TANC2: variants seen among roughly 807,000 people sequenced by gnomAD.
TANC2 encodes the protein protein TANC2.
A neutral mutation model predicts 210.5 loss-of-function variants in TANC2; 26 were observed. That is an observed-to-expected ratio of 0.12 (90% CI 0.09 to 0.17). The LOEUF (loss-of-function observed/expected upper bound fraction) is 0.17. Among genes scored for constraint, TANC2 ranks in the 10% least tolerant of loss-of-function variants. The pLI, the probability that TANC2 is intolerant of heterozygous loss-of-function variation, is 1.00. For missense variants in TANC2, 2,129 were observed against 2,608.9 expected, an observed-to-expected ratio of 0.82 and a Z score of 4.01; for synonymous variants, 931 against 967.1, an observed-to-expected ratio of 0.96 and a Z score of 0.69.
chr17:63,089,579 G>A (rs907627177), intron 3 of TANC2, among the ~76,000 whole-genome samples: 1 of 152,048 alleles, frequency 6.6e-6, no homozygotes. Context: ...CTGATTGACT[G>A]TATGATCTTT....
intron 7 of TANC2, among the ~76,000 whole-genome samples, chr17:63,232,005 T>C (rs2146008950): frequency 6.6e-6 from 1 of 152,362 alleles, no homozygotes; most frequent in Middle Eastern, 3.4e-3. Context: ...TTCAGCAAGT[T>C]AGTCTTCAGG....
chr17:63,364,498 A>G (rs894077380), intron 14 of TANC2, among the ~76,000 whole-genome samples: 2 of 152,238 alleles, frequency 1.3e-5, no homozygotes, highest in Admixed American at 6.5e-5. Flanking sequence ...ATACAGAGAT[A>G]TAGTTCTGCT....
At chr17:63,264,525 G>C (rs1296809947) in intron 8 of TANC2, among the ~76,000 whole-genome samples, 1 of 152,072 alleles carries the variant, frequency 6.6e-6, no homozygotes, top group Non-Finnish European at 1.5e-5. Context: ...GGAGAAACTG[G>C]GTTATCATTG....
chr17:63,093,320 G>A lies in TANC2; in HGVS notation c.140-5855G>A, dbSNP rs191300516. On this transcript the variant is annotated intron_variant, in intron 3 of 27. Transcript: ENST00000689528. ...TGAGTAGAGGTATGCTTCAAGGTCC[G>A]TGTTTTTGCATTTGGAGGTCTAGTA... is the stretch of plus-strand genomic sequence containing the variant. 4.4e-4 allele frequency among the ~76,000 whole-genome samples: 67 copies of A among 151,892 alleles called. No homozygotes were observed. In the East Asian group the frequency reaches 0.012, roughly 27 times the overall value.
At chr17:63,171,858 T>C (rs1359236979) in intron 5 of TANC2, among the ~76,000 whole-genome samples, 2 of 152,202 alleles carry the variant, frequency 1.3e-5, no homozygotes, top group Non-Finnish European at 2.9e-5. Flanking sequence ...AATCTAAAGG[T>C]ATTATTTGTT....
chr17:63,000,061 A>T (rs2033300932), intron 1 of TANC2, among the ~76,000 whole-genome samples: 1 of 152,216 alleles, frequency 6.6e-6, no homozygotes, highest in African/African-American at 2.4e-5. Context: ...AAGGAAGAAC[A>T]CACACCAGGG....
chr17:63,301,522 C>G (rs1270716288), intron 9 of TANC2, among the ~76,000 whole-genome samples: 2 of 152,072 alleles, frequency 1.3e-5, no homozygotes, highest in African/African-American at 4.8e-5. Context: ...TGTATGTGTC[C>G]AGGAATTTAT....
intron 3 of TANC2, among the ~76,000 whole-genome samples, chr17:63,081,268 A>G (rs993531655): frequency 2.0e-5 from 3 of 152,194 alleles, no homozygotes; most frequent in African/African-American, 4.8e-5. Context: ...ATTATTTAGA[A>G]TGTTAGGGAT....
intron 10 of TANC2, among the ~76,000 whole-genome samples, chr17:63,317,143 T>C (rs968042536): frequency 2.6e-5 from 4 of 152,144 alleles, no homozygotes; most frequent in African/African-American, 7.2e-5. Context: ...CTTCTTTCTC[T>C]GCATCATCTG....
At chr17:63,425,132 G>T (rs1041947297) in exon 28 of TANC2, 3 of 152,130 alleles carry the variant, frequency 2.0e-5, no homozygotes, top group African/African-American at 4.8e-5. Flanking sequence ...CCGGGTTGCA[G>T]ACGTGCACTA....
chr17:63,012,022 T>G (rs2033897885), intron 2 of TANC2, among the ~76,000 whole-genome samples: 1 of 150,770 alleles, frequency 6.6e-6, no homozygotes, highest in Non-Finnish European at 1.5e-5. Context: ...CAAAACTTTT[T>G]TTTTTTTTTT....
chr17:63,038,202 A>G (rs2035050638), intron 2 of TANC2, among the ~76,000 whole-genome samples: 1 of 152,146 alleles, frequency 6.6e-6, no homozygotes, highest in South Asian at 2.1e-4. Context: ...GTTCCCCTGT[A>G]TTCCTAGTTT....
chr17:63,193,156 A>G (rs910318479), intron 5 of TANC2, among the ~76,000 whole-genome samples: 1 of 152,214 alleles, frequency 6.6e-6, no homozygotes, highest in African/African-American at 2.4e-5. Context: ...AGTTATCTAA[A>G]TGTTTATAAC....
At chr17:62,978,295 AC>A (rs1367324496) in intron 1 of TANC2, among the ~76,000 whole-genome samples, 2 of 152,228 alleles carry the variant, frequency 1.3e-5, no homozygotes, top group African/African-American at 4.8e-5. Flanking sequence ...TAATATTAAC[AC>A]ATTCTGAGAT....
At chr17:63,122,343 G>A (rs945595945) in intron 4 of TANC2, among the ~76,000 whole-genome samples, 3 of 152,144 alleles carry the variant, frequency 2.0e-5, no homozygotes, top group Admixed American at 2.0e-4. Flanking sequence ...CATGCTTTAG[G>A]AAATAACTGA....
rs2049035017 is a variant in TANC2, at chr17:63,421,891, ACT to A, written c.6165_6166del (p.Arg2056AlafsTer17). ...AACCTGTACAGGCAGCTGTCCCGAG[ACT>A]CTCGGCAAGGGCAGACATCCCCTAT... On this transcript the variant is annotated frameshift_variant, in exon 28 of 28. Transcript: ENST00000689528. LOFTEE classifies it high-confidence loss of function. The surrounding 1 kb of genome is among the most constrained non-coding windows in gnomAD (Gnocchi z 6.9). 1.2e-6 allele frequency: 2 copies of A among 1,613,630 alleles called. No homozygotes were observed. The highest frequency in any genetic ancestry group is 3.3e-5 in the Admixed American group (2 of 59,986).
chr17:63,274,037 A>G (rs12150068), intron 9 of TANC2, among the ~76,000 whole-genome samples: 38,847 of 152,156 alleles, frequency 0.26, 5,038 homozygotes, highest in South Asian at 0.33. Context: ...AGAGCTGGTT[A>G]CATGTTATTC....
chr17:63,180,501 T>A (rs755932804), intron 5 of TANC2, among the ~76,000 whole-genome samples: 13 of 152,196 alleles, frequency 8.5e-5, no homozygotes, highest in Non-Finnish European at 1.8e-4. Context: ...TTTAAAAGGA[T>A]GAATGATGTA....
chr17:63,176,958 A>G (rs1388931279), intron 5 of TANC2, among the ~76,000 whole-genome samples: 1 of 151,840 alleles, frequency 6.6e-6, no homozygotes, highest in East Asian at 1.9e-4. Flanking sequence ...AGATGTATAT[A>G]TTTATCAAAA....
Sources: allele counts gnomAD v4.1 joint callset (sites outside exome capture counted in the v4.1 genomes callset), GRCh38; gene constraint gnomAD v4.1.1; non-coding constraint Gnocchi (gnomAD v3.1); transcripts MANE v1.5; gene names NCBI Gene and HGNC (gene_info 2026-07-23, HGNC 2026-07-21).